Variants in GAREM1 observed in about 807,000 individuals in gnomAD.
GAREM1 encodes the protein GRB2 associated regulator of MAPK1 subtype 1.
In GAREM1, 26 loss-of-function variants were observed where a neutral mutation model predicts 71.3. That is an observed-to-expected ratio of 0.36 (90% CI 0.27 to 0.51). GAREM1 has a LOEUF of 0.51. Among genes scored for constraint, GAREM1 ranks in the 20% least tolerant of loss-of-function variants. GAREM1 has a pLI of 0.95. For missense variants in GAREM1, 1,026 were observed against 1,103.1 expected, an observed-to-expected ratio of 0.93 and a Z score of 0.99; for synonymous variants, 440 against 433.2, an observed-to-expected ratio of 1.02 and a Z score of -0.20.
At chr18:32,327,169 A>C (rs2047482134) in intron 2 of GAREM1, among the ~76,000 whole-genome samples, 1 of 152,184 alleles carries the variant, frequency 6.6e-6, no homozygotes, top group African/African-American at 2.4e-5. Flanking sequence ...GTGGCTGTAA[A>C]TTTTTATTTC....
rs1306603447 is a variant in GAREM1, at chr18:32,268,439, A to G, written c.2063T>C (p.Phe688Ser). 1 of 1,614,160 alleles carries G rather than the reference A, an allele frequency of 6.2e-7. No individual in the cohort carries two copies. Among genetic ancestry groups the G allele is most frequent in the African/African-American group, 1.3e-5 (1 of 75,042 alleles). ...ASPTSPVTAE[F>S]SSSVSGCPKS... The stretch of plus-strand genomic sequence containing the variant: ...GGGACAACCAGAGACGCTGCTACTG[A>G]ATTCTGCAGTGACTGGGCTAGTGGG... Residue 688 changes from phenylalanine to serine, a missense_variant, in exon 6 of 6, where the codon TTC becomes TCC. Around this residue, in one of 3 missense-constraint regions of GAREM1, gnomAD observed 636 missense variants for 631.2 expected, o/e 1.01. Transcript: ENST00000269209.
At chr18:32,329,536 T>C (rs1466257609) in intron 2 of GAREM1, among the ~76,000 whole-genome samples, 3 of 151,484 alleles carry the variant, frequency 2.0e-5, no homozygotes, top group African/African-American at 7.3e-5. Context: ...TGACACCCTG[T>C]CTCTACCAAA....
At chr18:32,275,955 G>T (rs971606736) in intron 4 of GAREM1, among the ~76,000 whole-genome samples, 2 of 152,202 alleles carry the variant, frequency 1.3e-5, no homozygotes, top group African/African-American at 4.8e-5. Flanking sequence ...GATTACAGGC[G>T]TGAGCCACCG....
chr18:32,334,073 A>G (rs2047564615), intron 2 of GAREM1, among the ~76,000 whole-genome samples: 1 of 152,208 alleles, frequency 6.6e-6, no homozygotes, highest in East Asian at 1.9e-4. Context: ...GTGACATTGC[A>G]GTCGGAAAGA....
intron 1 of GAREM1, 33 bp from the exon 2 acceptor site, chr18:32,393,068 A>G: frequency 6.3e-7 from 1 of 1,596,766 alleles, no homozygotes; most frequent in Non-Finnish European, 8.6e-7. Context: ...AGAAACTTAG[A>G]ATTCATAATC....
chr18:32,434,740 C>T (rs573530178), intron 1 of GAREM1, among the ~76,000 whole-genome samples: 58 of 152,114 alleles, frequency 3.8e-4, no homozygotes, highest in African/African-American at 1.3e-3. Flanking sequence ...AACAGAAAAA[C>T]ACCAGCAGAA....
At chr18:32,320,898 C>A (rs1312769125) in intron 2 of GAREM1, among the ~76,000 whole-genome samples, 1 of 152,174 alleles carries the variant, frequency 6.6e-6, no homozygotes, top group Non-Finnish European at 1.5e-5. Flanking sequence ...ATGATGGAAC[C>A]TAGAAAGGTC....
intron 2 of GAREM1, among the ~76,000 whole-genome samples, chr18:32,357,236 G>A (rs181680086): frequency 2.7e-4 from 41 of 152,276 alleles, no homozygotes; most frequent in Middle Eastern, 3.4e-3. Flanking sequence ...CAACACTCTG[G>A]GAGGCCGAAG....
chr18:32,457,493 T>C (rs2048907758), intron 1 of GAREM1, among the ~76,000 whole-genome samples: 1 of 151,868 alleles, frequency 6.6e-6, no homozygotes, highest in Non-Finnish European at 1.5e-5. Context: ...TATTCAACTG[T>C]ACACAATCTA....
At chr18:32,315,540 T>C (rs573046877) in intron 2 of GAREM1, among the ~76,000 whole-genome samples, 96 of 148,392 alleles carry the variant, frequency 6.5e-4, no homozygotes, top group Non-Finnish European at 1.1e-3. Flanking sequence ...AAAGTAGATA[T>C]ATATATATAT....
chr18:32,290,643 A>G (rs1048551936), intron 3 of GAREM1, among the ~76,000 whole-genome samples: 1 of 91,184 alleles, frequency 1.1e-5, no homozygotes, highest in African/African-American at 9.5e-5. Flanking sequence ...AGACTGTCTG[A>G]AAAAAAAAAA....
At chr18:32,269,994 C>T (rs1711386549) in intron 5 of GAREM1, among the ~76,000 whole-genome samples, 1 of 152,162 alleles carries the variant, frequency 6.6e-6, no homozygotes, top group East Asian at 1.9e-4. Flanking sequence ...ATTTCTCAGA[C>T]TGGTGTGGCA....
intron 2 of GAREM1, among the ~76,000 whole-genome samples, chr18:32,332,496 G>GT (rs970582511): frequency 5.9e-5 from 9 of 152,166 alleles, no homozygotes; most frequent in African/African-American, 1.9e-4. Flanking sequence ...GCTGTCATTG[G>GT]TAGGGGCATT....
At position 32,287,438 on chromosome 18, in the gene GAREM1, A is replaced by T; in HGVS notation, c.1159T>A (p.Ser387Thr). 1 of 1,614,168 alleles carries T rather than the reference A, an allele frequency of 6.2e-7. No individual in the cohort carries two copies. Among genetic ancestry groups the T allele is most frequent in the Non-Finnish European group, 8.5e-7 (1 of 1,180,012 alleles). The change falls in exon 4 of 6, where the codon TCG becomes ACG. Residue 387 changes from serine (S) to threonine (T), a missense_variant. Transcript: ENST00000269209. The surrounding 1 kb of genome is among the most constrained non-coding windows in gnomAD (Gnocchi z 5.9). The part of the protein sequence containing the change: ...DELTQSFHRL[S>T]VCVYGNNLHG... ...AGATTGTTGCCATACACACAGACCG[A>T]GAGTCGGTGGAAGGACTGGGTGAGC...
At chr18:32,438,821 T>C (rs965465132) in intron 1 of GAREM1, among the ~76,000 whole-genome samples, 3 of 152,144 alleles carry the variant, frequency 2.0e-5, no homozygotes, top group Non-Finnish European at 4.4e-5. Flanking sequence ...CTGAAATAAG[T>C]AGTTAGCCCC....
At chr18:32,396,685 G>A (rs1013905570) in intron 1 of GAREM1, among the ~76,000 whole-genome samples, 2 of 152,342 alleles carry the variant, frequency 1.3e-5, no homozygotes, top group African/African-American at 4.8e-5. Flanking sequence ...TCTGATTGGT[G>A]TACCTGAAAG....
intron 1 of GAREM1, among the ~76,000 whole-genome samples, chr18:32,400,460 C>G (rs1311252263): frequency 6.6e-6 from 1 of 152,140 alleles, no homozygotes; most frequent in East Asian, 1.9e-4. Context: ...CTACAAAGAA[C>G]TCAAACAAAT....
chr18:32,270,744 C>T (rs1030826212), intron 4 of GAREM1, among the ~76,000 whole-genome samples: 5 of 152,106 alleles, frequency 3.3e-5, no homozygotes, highest in South Asian at 2.1e-4. Flanking sequence ...AAAATAAGAA[C>T]GTAAGGCATT....
chr18:32,294,280 T>C (rs921071573), intron 3 of GAREM1, among the ~76,000 whole-genome samples: 3 of 152,206 alleles, frequency 2.0e-5, no homozygotes, highest in Middle Eastern at 3.2e-3. Context: ...AGATACGTTA[T>C]ATTACGCATA....
Sources: allele counts gnomAD v4.1 joint callset (sites outside exome capture counted in the v4.1 genomes callset), GRCh38; gene constraint gnomAD v4.1.1; regional missense constraint gnomAD v4.1.1; non-coding constraint Gnocchi (gnomAD v3.1); transcripts MANE v1.5; gene names NCBI Gene and HGNC (gene_info 2026-07-23, HGNC 2026-07-21).